SLC6A5: variants seen among roughly 807,000 people sequenced by gnomAD.
The protein encoded by SLC6A5 is sodium- and chloride-dependent glycine transporter 2.
Under a neutral mutation model 90.5 loss-of-function variants are expected in SLC6A5, and 58 were observed. The observed-to-expected ratio is 0.64, with a 90% CI of 0.52 to 0.80. The LOEUF (loss-of-function observed/expected upper bound fraction) is 0.80. Among genes scored for constraint, SLC6A5 ranks in the 30% least tolerant of loss-of-function variants. The probability of loss-of-function intolerance (pLI) is 0.00; values close to 1 mark genes in which losing one functional copy is unlikely to be tolerated. For synonymous variants in SLC6A5, 427 were observed against 401.4 expected (o/e 1.06, Z -0.76); for missense variants, 1,015 against 1,017.6 (o/e 1.00, Z 0.03).
rs1242666559 is a variant in SLC6A5, at chr11:20,601,299, C to A, written c.174C>A (p.Gly58=). 1.3e-6 allele frequency: 2 copies of A among 1,590,908 alleles called. No homozygotes were observed. Among genetic ancestry groups the A allele is most frequent in the East Asian group, 2.3e-5 (1 of 44,266 alleles). Residue 58 remains glycine, a synonymous_variant, in exon 2 of 16, where the codon GGC becomes GGA. Transcript: ENST00000525748. ...GTGTGCCCAGGTCCGCTTCCACCGG[C>A]GCCCAAACTTTCCAGTCAGCGGACG... ...PPRVPRSAST[G]AQTFQSADAR... is the part of the protein sequence containing the mutation.
At chr11:20,627,473 A>G (rs955491103) in intron 8 of SLC6A5, among the ~76,000 whole-genome samples, 1 of 152,226 alleles carries the variant, frequency 6.6e-6, no homozygotes. Context: ...TGCACAAAAC[A>G]GAAAGTCTCC....
Position 20,656,458 on chromosome 11 carries a change from A to AT in SLC6A5, c.*1594dup, listed in dbSNP as rs1180612759. The stretch of plus-strand genomic sequence containing the variant: ...TTCAAATCTTGTATATTGTTGTGAC[A>AT]TTTTCATCCTGTTTAACAGCAATGA... On this transcript the variant is annotated 3_prime_UTR_variant, in exon 16 of 16. Coordinates refer to ENST00000525748, the MANE Select transcript of SLC6A5 (RefSeq NM_004211.5). 2 of 152,090 alleles carry AT rather than the reference A, an allele frequency of 1.3e-5. No individual in the cohort carries two copies. Among genetic ancestry groups the AT allele is most frequent in the Admixed American group, 6.5e-5 (1 of 15,276 alleles). The allele number at this position is 152,090 out of a possible 1,614,324, so 9.4% of individuals were successfully genotyped here. A position where few individuals can be genotyped will look rare whatever the true frequency, so the allele number is the denominator to read the frequency against.
At chr11:20,642,378 T>C (rs1281583933) in intron 13 of SLC6A5, among the ~76,000 whole-genome samples, 1 of 152,142 alleles carries the variant, frequency 6.6e-6, no homozygotes, top group Non-Finnish European at 1.5e-5. Flanking sequence ...GTTCAGGATC[T>C]TTTGGTCGTA....
In SLC6A5 at chr11:20,601,253, C is replaced by A. The variant is rs758538379; in HGVS notation, c.128C>A (p.Ala43Asp). The A allele has an allele frequency of 6.3e-7, 1 of 1,583,670 alleles. No homozygotes were observed. ...RTSPEQELPA[A>D]AAPPPPRVPR... ...AGCCCGGAGCAGGAGCTTCCCGCGG[C>A]TGCCGCCCCGCCGCCGCCACGTGTG... Residue 43 changes from alanine (A) to aspartate (D), a missense_variant, in exon 2 of 16, where the codon GCT (alanine) becomes GAT (aspartate). Ala to Asp is a moderately radical substitution (Grantham distance 126, BLOSUM62 -2). Transcript: ENST00000525748.
intron 3 of SLC6A5, among the ~76,000 whole-genome samples, chr11:20,606,715 T>TA (rs1006247770): frequency 7.9e-5 from 12 of 151,942 alleles, no homozygotes; most frequent in African/African-American, 2.4e-4. Flanking sequence ...AGTGCTATAA[T>TA]AAAAAAAGAA....
chr11:20,608,930 C>G (rs74906744), intron 5 of SLC6A5, among the ~76,000 whole-genome samples: 14,312 of 53,638 alleles, frequency 0.27, 885 homozygotes, highest in Middle Eastern at 0.4. Context: ...CTGTCTCTCT[C>G]TCTCTCTCTC....
intron 15 of SLC6A5, among the ~76,000 whole-genome samples, chr11:20,653,852 A>G (rs2133826600): frequency 6.6e-6 from 1 of 152,326 alleles, no homozygotes; most frequent in Non-Finnish European, 1.5e-5. Context: ...TTAGGCTAAA[A>G]TTCTCTAAAC....
intron 8 of SLC6A5, among the ~76,000 whole-genome samples, chr11:20,627,715 C>T (rs1187783976): frequency 6.6e-6 from 1 of 152,178 alleles, no homozygotes; most frequent in Non-Finnish European, 1.5e-5. Flanking sequence ...TTTAGCTTTA[C>T]AGGAGAGAAC....
At chr11:20,647,839 A>G (rs919647246) in intron 14 of SLC6A5, among the ~76,000 whole-genome samples, 4 of 152,214 alleles carry the variant, frequency 2.6e-5, no homozygotes, top group African/African-American at 9.7e-5. Flanking sequence ...CTGCTCTACA[A>G]CTAATATAGC....
rs1334485413 is a variant in SLC6A5, at chr11:20,613,684, G to T, written c.986-995G>T. Among the ~76,000 whole-genome samples the T allele has an allele frequency of 1.7e-4, 4 of 23,014 alleles. No homozygotes were observed. In the Non-Finnish European group the frequency reaches 6.1e-3, roughly 35 times the overall value. 15.1% of individuals were successfully genotyped at this position (23,014 alleles called of 152,430 possible). Reference sequence around the variant, plus strand: ...TTTTTTTTTTTTTTTTAAGAGACAGGGTCTTGCTTCATCACCCAGGCTGGG... The same window carrying T: ...TTTTTTTTTTTTTTTTAAGAGACAGTGTCTTGCTTCATCACCCAGGCTGGG... On this transcript the variant is annotated intron_variant, in intron 5 of 15. Coordinates refer to ENST00000525748, the MANE Select transcript of SLC6A5 (RefSeq NM_004211.5).
At chr11:20,612,346 T>A (rs1389249274) in intron 5 of SLC6A5, among the ~76,000 whole-genome samples, 1 of 152,186 alleles carries the variant, frequency 6.6e-6, no homozygotes, top group Admixed American at 6.5e-5. Context: ...CTTCATTTAG[T>A]CCTTACTGCA....
intron 7 of SLC6A5, among the ~76,000 whole-genome samples, chr11:20,620,619 T>C (rs991108078): frequency 5.9e-5 from 9 of 152,200 alleles, no homozygotes; most frequent in African/African-American, 1.9e-4. Flanking sequence ...CCAGGCACTG[T>C]GCTGGCTGCT....
chr11:20,654,958 C>T lies in SLC6A5; in HGVS notation c.*90C>T, dbSNP rs528503463. The T allele has an allele frequency of 5.3e-5, 70 of 1,327,300 alleles. No homozygotes were observed. The South Asian group carries it at 8.1e-4, about 15-fold the overall frequency. The allele number at this position is 1,327,300 out of a possible 1,614,324, so 82.2% of individuals were successfully genotyped here. A position where few individuals can be genotyped will look rare whatever the true frequency, so the allele number is the denominator to read the frequency against. ...CCATAGCTCTCCTCCCATTTTTCTT[C>T]ATCTTTCTTCCTACATCTTGGTTCA... On this transcript the variant is annotated 3_prime_UTR_variant, in exon 16 of 16. Transcript: ENST00000525748.
intron 7 of SLC6A5, among the ~76,000 whole-genome samples, chr11:20,618,536 C>T (rs79351377): frequency 0.013 from 2,003 of 152,300 alleles, 52 homozygotes; most frequent in African/African-American, 0.046. Context: ...CCCACCCAAG[C>T]TCAGTTCCAA....
In SLC6A5 at chr11:20,601,446, C is replaced by A. The variant is rs1852474578; in HGVS notation, c.321C>A (p.Pro107=). Residue 107 remains proline, a synonymous_variant, in exon 2 of 16, where the codon CCC becomes CCA. Coordinates refer to ENST00000525748, the MANE Select transcript of SLC6A5 (RefSeq NM_004211.5). ...AGGCGCAAGGCGCGCAGGCCTCGCC[C>A]CCTCCCGGGAGCTCCGGGCCCGGCA... ...LREAQGAQAS[P]PPGSSGPGNA... is the part of the protein sequence containing the mutation. 1 of 1,608,446 alleles carries A rather than the reference C, an allele frequency of 6.2e-7. No homozygotes were observed. The highest frequency in any genetic ancestry group is 1.3e-5 in the African/African-American group (1 of 74,980).
intron 7 of SLC6A5, among the ~76,000 whole-genome samples, chr11:20,625,407 G>A (rs866066821): frequency 7.9e-5 from 12 of 152,072 alleles, no homozygotes; most frequent in Non-Finnish European, 1.5e-4. Flanking sequence ...GATTATAGGA[G>A]CCTGCCACCA....
chr11:20,623,224 G>A (rs964565102), intron 7 of SLC6A5, among the ~76,000 whole-genome samples: 4 of 152,184 alleles, frequency 2.6e-5, no homozygotes, highest in Admixed American at 2.0e-4. Context: ...TCCACCTCTG[G>A]CAGGTCTGAA....
intron 13 of SLC6A5, among the ~76,000 whole-genome samples, chr11:20,639,672 G>A (rs1853276015): frequency 6.6e-6 from 1 of 152,074 alleles, no homozygotes; most frequent in East Asian, 1.9e-4. Flanking sequence ...ACAGCTTCTT[G>A]CTTTTCTGGA....
At position 20,652,421 on chromosome 11, in the gene SLC6A5, A is replaced by G. The variant is rs1853559428; in HGVS notation, c.2203A>G (p.Ile735Val). 1 of 1,614,054 alleles carries G rather than the reference A, an allele frequency of 6.2e-7. No individual in the cohort carries two copies. Among genetic ancestry groups the G allele is most frequent in the South Asian group, 1.1e-5 (1 of 91,078 alleles). ...SVIWIPIMFVIKMHLAPGRFI... is the reference protein window; with the variant it reads ...SVIWIPIMFVVKMHLAPGRFI... ...CATCTGGATCCCAATTATGTTTGTG[A>G]TAAAAATGCATCTGGCCCCTGGAAG... Residue 735 changes from isoleucine to valine, a missense_variant, in exon 15 of 16, where the codon ATA (isoleucine) becomes GTA (valine). Physicochemically the swap from Ile to Val is conservative, Grantham distance 29 (BLOSUM62 3). Transcript: ENST00000525748.
Sources: gnomAD v4.1 joint callset for allele counts (sites outside exome capture counted in the v4.1 genomes callset) on GRCh38, gnomAD v4.1.1 for gene constraint, MANE v1.5 for transcripts, NCBI Gene and HGNC (gene_info 2026-07-23, HGNC 2026-07-21) for gene names.